Variants in NID2 observed in about 807,000 individuals in gnomAD.
NID2 encodes nidogen-2.
Under a neutral mutation model 145.4 loss-of-function variants are expected in NID2, and 83 were observed. That is an observed-to-expected ratio of 0.57 (90% CI 0.48 to 0.69). NID2 has a LOEUF of 0.69. Among genes scored for constraint, NID2 ranks in the 30% least tolerant of loss-of-function variants. NID2 has a pLI of 0.00. For synonymous variants in NID2, 739 were observed against 701.3 expected (o/e 1.05, Z -0.85); for missense variants, 1,807 against 1,765.7 (o/e 1.02, Z -0.42).
chr14:52,030,585 A>AAG (rs1566755739), intron 9 of NID2, among the ~76,000 whole-genome samples: 1 of 40,470 alleles, frequency 2.5e-5, no homozygotes, highest in African/African-American at 1.0e-4. Context: ...AGGGAAAGAA[A>AAG]GAAAGAAAGA....
chr14:52,029,663 G>C lies in NID2; in HGVS notation c.2285C>G (p.Pro762Arg). Residue 762 changes from proline (P) to arginine (R), a missense_variant, in exon 10 of 22, where the codon CCT becomes CGT. Pro to Arg is a moderately radical substitution (Grantham distance 103). Transcript: ENST00000216286. ...ACACATGTGGCTCCCATCATAGCAA[G>C]GATTCCCCGGAGTGGGGTCTGAATC... Reference protein sequence around the residue: ...KEDSDPTPGNPCYDGSHMCDT... With the variant: ...KEDSDPTPGNRCYDGSHMCDT... 1 of 1,613,974 alleles carries C rather than the reference G, an allele frequency of 6.2e-7. No individual in the cohort carries two copies. Among genetic ancestry groups the C allele is most frequent in the Non-Finnish European group, 8.5e-7 (1 of 1,179,838 alleles).
intron 18 of NID2, chr14:52,008,517 T>A (rs1421957888): frequency 6.6e-6 from 1 of 152,294 alleles, no homozygotes; most frequent in African/African-American, 2.4e-5. Context: ...TTTGGGCAAT[T>A]TCTTACACAG....
At chr14:52,015,768 A>G (rs1891195292) in intron 14 of NID2, among the ~76,000 whole-genome samples, 1 of 152,218 alleles carries the variant, frequency 6.6e-6, no homozygotes, top group African/African-American at 2.4e-5. Flanking sequence ...GCTGCTGAGG[A>G]GAGGGCCATC....
chr14:52,026,565 A>T (rs1566752175), intron 12 of NID2, among the ~76,000 whole-genome samples: 1 of 152,174 alleles, frequency 6.6e-6, no homozygotes, highest in Non-Finnish European at 1.5e-5. Context: ...ATTTTAAAGT[A>T]CTCCTAATCC....
chr14:52,049,630 C>G (rs544230698), intron 5 of NID2, among the ~76,000 whole-genome samples: 2 of 151,968 alleles, frequency 1.3e-5, no homozygotes, highest in South Asian at 4.2e-4. Context: ...GTTTTCCCAT[C>G]TCTCAGAATG....
chr14:52,019,643 C>T (rs1489900103), intron 13 of NID2, among the ~76,000 whole-genome samples: 1 of 150,682 alleles, frequency 6.6e-6, no homozygotes, highest in Admixed American at 6.6e-5. Context: ...TGAGAAGCTG[C>T]AAGCCAACGG....
chr14:52,044,518 C>G (rs1421817718), intron 5 of NID2, among the ~76,000 whole-genome samples: 1 of 152,132 alleles, frequency 6.6e-6, no homozygotes, highest in African/African-American at 2.4e-5. Context: ...GATCCACCTG[C>G]CTCGGCCTCC....
At chr14:52,005,595 A>AT (rs1269906390) in intron 21 of NID2, 99 bp from the exon 22 acceptor site, 7 of 1,491,150 alleles carry the variant, frequency 4.7e-6, no homozygotes, top group Non-Finnish European at 6.5e-6. Context: ...AACTAGGTAG[A>AT]TTTAAGGTAG....
chr14:52,006,614 A>G lies in NID2; in HGVS notation c.3927T>C (p.Arg1309=). 1 of 1,613,876 alleles carries G rather than the reference A, an allele frequency of 6.2e-7. No individual in the cohort carries two copies. ...ECTLPDGTGR[R]VIQNNLKYPF... ...GGTACTTGAGGTTGTTTTGAATGAC[A>G]CGCCGTCCAGTTCCATCAGGTAGTG... The change falls in exon 20 of 22, where the codon CGT becomes CGC. Residue 1309 remains arginine, a synonymous_variant. Coordinates refer to ENST00000216286, the MANE Select transcript of NID2 (RefSeq NM_007361.4).
chr14:52,067,099 C>T (rs1043062964), intron 2 of NID2, among the ~76,000 whole-genome samples: 1 of 152,136 alleles, frequency 6.6e-6, no homozygotes, highest in Non-Finnish European at 1.5e-5. Flanking sequence ...CCTGGAATGT[C>T]AACTAAGAAC....
At chr14:52,038,122 C>G (rs1248323838) in intron 9 of NID2, among the ~76,000 whole-genome samples, 1 of 152,122 alleles carries the variant, frequency 6.6e-6, no homozygotes, top group Non-Finnish European at 1.5e-5. Context: ...GCTAGAAATT[C>G]TAGTACTGAA....
At chr14:52,064,133 C>T (rs768804443) in intron 2 of NID2, among the ~76,000 whole-genome samples, 3 of 152,240 alleles carry the variant, frequency 2.0e-5, no homozygotes, top group Non-Finnish European at 4.4e-5. Flanking sequence ...CTGCTTTTAC[C>T]TCTCATTTTC....
rs756961339 is a variant in NID2 at position 52,007,876 on chromosome 14, CTG to C, written c.3812_3813del (p.Thr1271ArgfsTer11). 1 of 1,613,808 alleles carries C rather than the reference CTG, an allele frequency of 6.2e-7. No individual in the cohort carries two copies. The highest frequency in any genetic ancestry group is 2.2e-5 in the East Asian group (1 of 44,880). ...DGENRRILIN[T>X]DIGLPNGLTF... ...GTTAAGCCATTGGGCAATCCAATGT[CTG>C]TATTGATCAGAATTCTTCTGTTTTC... is the stretch of plus-strand genomic sequence containing the variant. On this transcript the variant is annotated frameshift_variant, in exon 19 of 22. Transcript: ENST00000216286. LOFTEE classifies it high-confidence loss of function.
At position 52,031,767 on chromosome 14, in the gene NID2, A is replaced by C. The variant is rs556409448; in HGVS notation, c.2258-2077T>G. On this transcript the variant is annotated intron_variant, in intron 9 of 21. Transcript: ENST00000216286. Reference sequence around the variant, plus strand: ...CCGTGTCTCCCACCCCACTTTGTACAGAATCTTCTATTAAAATGGAGAAAT... The same window carrying C: ...CCGTGTCTCCCACCCCACTTTGTACCGAATCTTCTATTAAAATGGAGAAAT... Among the ~76,000 whole-genome samples the C allele has an allele frequency of 1.3e-5, 2 of 152,238 alleles. 1 individual carries two copies. The highest frequency in any genetic ancestry group is 2.9e-5 in the Non-Finnish European group (2 of 68,046).
At chr14:52,029,190 C>T (rs1435710393) in intron 10 of NID2, among the ~76,000 whole-genome samples, 1 of 152,112 alleles carries the variant, frequency 6.6e-6, no homozygotes, top group African/African-American at 2.4e-5. Flanking sequence ...ATATAAGACA[C>T]ACAATGTCTG....
intron 12 of NID2, among the ~76,000 whole-genome samples, chr14:52,024,741 A>G (rs934830247): frequency 6.6e-6 from 1 of 152,224 alleles, no homozygotes; most frequent in Non-Finnish European, 1.5e-5. Flanking sequence ...GCAGAGAACC[A>G]GAAATAAAAT....
rs184716951 is a variant in NID2, at chr14:52,036,158, C to T, written c.2257+2589G>A. On this transcript the variant is annotated intron_variant, in intron 9 of 21. Coordinates refer to ENST00000216286, the MANE Select transcript of NID2 (RefSeq NM_007361.4). ...CCAAAATTAACCCTGTACCCTTTAG[C>T]TATTAACGCCCTATGCTCTCATTAT... Among the ~76,000 whole-genome samples the T allele has an allele frequency of 1.0e-3, 157 of 152,302 alleles. 1 individual carries two copies. Among genetic ancestry groups the T allele is most frequent in the African/African-American group, 3.6e-3 (148 of 41,578 alleles).
chr14:52,040,732 G>C lies in NID2; in HGVS notation c.1945C>G (p.Gln649Glu). 1 of 1,614,158 alleles carries C rather than the reference G, an allele frequency of 6.2e-7. No individual in the cohort carries two copies. Among genetic ancestry groups the C allele is most frequent in the Non-Finnish European group, 8.5e-7 (1 of 1,180,018 alleles). Residue 649 changes from glutamine to glutamate, a missense_variant, in exon 8 of 22, where the codon CAA becomes GAA. By Grantham distance (29) the Gln-to-Glu change is conservative (BLOSUM62 2). Coordinates refer to ENST00000216286, the MANE Select transcript of NID2 (RefSeq NM_007361.4). ...ENYLSIKTNI[Q>E]GQVPYVSANF... is the part of the protein sequence containing the mutation. Reference sequence around the variant, plus strand: ...GCTGAGACGTAAGGCACCTGGCCTTGAATGTTGGTCTTAATGCTCAGGTAG... The same window carrying C: ...GCTGAGACGTAAGGCACCTGGCCTTCAATGTTGGTCTTAATGCTCAGGTAG...
Position 52,019,306 on chromosome 14 carries a change from A to G in NID2, c.2795-12T>C, listed in dbSNP as rs978859049. Reference sequence around the variant, plus strand: ...GCTTGAGGTGGAGTCTTCCAGGATCAAGGCAGAGGAAGACACAAAAGAGAA... The same window carrying G: ...GCTTGAGGTGGAGTCTTCCAGGATCGAGGCAGAGGAAGACACAAAAGAGAA... On this transcript the variant is annotated splice_polypyrimidine_tract_variant and intron_variant, in intron 13 of 21. Transcript: ENST00000216286. The G allele has an allele frequency of 3.2e-6, 5 of 1,556,034 alleles. No homozygotes were observed. Among genetic ancestry groups the G allele is most frequent in the African/African-American group, 1.4e-5 (1 of 73,772 alleles).
Sources: allele counts gnomAD v4.1 joint callset (sites outside exome capture counted in the v4.1 genomes callset), GRCh38; gene constraint gnomAD v4.1.1; transcripts MANE v1.5; gene names NCBI Gene and HGNC (gene_info 2026-07-23, HGNC 2026-07-21).